PRKN: variants seen among roughly 807,000 people sequenced by gnomAD.
PRKN encodes the protein E3 ubiquitin-protein ligase parkin.
Under a neutral mutation model 59.5 loss-of-function variants are expected in PRKN, and 56 were observed. The ratio of observed to expected loss-of-function variants is 0.94; its 90% CI spans 0.76 to 1.18. The LOEUF is 1.18. Among genes scored for constraint, PRKN ranks in the 50% most tolerant of loss-of-function variants. The pLI is 0.00. For missense variants in PRKN, 657 were observed against 596.4 expected (o/e 1.10, Z -1.06); for synonymous variants, 250 against 222.1 (o/e 1.13, Z -1.12).
intron 1 of PRKN, among the ~76,000 whole-genome samples, chr6:162,696,374 T>G (rs1385170400): frequency 6.6e-6 from 1 of 151,986 alleles, no homozygotes; most frequent in Non-Finnish European, 1.5e-5. Flanking sequence ...TCTTTGCTTG[T>G]GGGTTTTCTC....
In PRKN at chr6:161,928,060, T is replaced by C. The variant is rs555587560; in HGVS notation, c.734+45242A>G. 3.3e-5 allele frequency among the ~76,000 whole-genome samples: 5 copies of C among 152,278 alleles called. No homozygotes were observed. In the South Asian group the frequency reaches 1.0e-3, roughly 32 times the overall value. On this transcript the variant is annotated intron_variant, in intron 6 of 11. Transcript: ENST00000366898. ...TTGGAAGGTGATTAGGTCATGAGGA[T>C]ACAACCTTCATGATTGGGATTAGTG... is the stretch of plus-strand genomic sequence containing the variant.
intron 9 of PRKN, among the ~76,000 whole-genome samples, chr6:161,493,055 C>T (rs1377379008): frequency 1.3e-5 from 2 of 152,148 alleles, no homozygotes; most frequent in East Asian, 1.9e-4. Flanking sequence ...TAGTTAAATG[C>T]CACCAAAGAT....
At chr6:161,660,193 A>T (rs1396539011) in intron 7 of PRKN, among the ~76,000 whole-genome samples, 1 of 152,188 alleles carries the variant, frequency 6.6e-6, no homozygotes, top group Non-Finnish European at 1.5e-5. Context: ...CTCTGCTTGA[A>T]TGAAGTGGTT....
chr6:161,996,985 A>G (rs539026088), intron 5 of PRKN, among the ~76,000 whole-genome samples: 2 of 152,232 alleles, frequency 1.3e-5, no homozygotes, highest in East Asian at 3.9e-4. Context: ...AACTGAAATG[A>G]CCCATAAATC....
intron 2 of PRKN, among the ~76,000 whole-genome samples, chr6:162,405,246 G>C (rs1481169088): frequency 6.6e-6 from 1 of 152,148 alleles, no homozygotes; most frequent in Non-Finnish European, 1.5e-5. Flanking sequence ...ACATGGAATA[G>C]ACTATTTCTG....
intron 3 of PRKN, among the ~76,000 whole-genome samples, chr6:162,238,895 C>T (rs1194255235): frequency 6.6e-6 from 1 of 152,090 alleles, no homozygotes; most frequent in Non-Finnish European, 1.5e-5. Flanking sequence ...GTGCAGTGCC[C>T]GAAGGGGGTC....
At chr6:161,914,048 T>C (rs1338377235) in intron 6 of PRKN, among the ~76,000 whole-genome samples, 1 of 152,224 alleles carries the variant, frequency 6.6e-6, no homozygotes, top group African/African-American at 2.4e-5. Flanking sequence ...ACTCGGTCTA[T>C]GGTATTTTGT....
chr6:162,101,580 G>A (rs565787830), intron 4 of PRKN, among the ~76,000 whole-genome samples: 1 of 152,054 alleles, frequency 6.6e-6, no homozygotes, highest in Non-Finnish European at 1.5e-5. Flanking sequence ...GCTGAGGCAG[G>A]AGAATGGCGT....
At chr6:161,631,979 T>C (rs1160432306) in intron 7 of PRKN, among the ~76,000 whole-genome samples, 1 of 152,218 alleles carries the variant, frequency 6.6e-6, no homozygotes, top group Non-Finnish European at 1.5e-5. Context: ...TATTTCTTGT[T>C]GAGTTCTTTT....
chr6:162,281,048 C>A (rs1441377189), intron 2 of PRKN, among the ~76,000 whole-genome samples: 1 of 152,060 alleles, frequency 6.6e-6, no homozygotes, highest in Non-Finnish European at 1.5e-5. Context: ...ACACTGCATC[C>A]ATGCCATAAA....
intron 5 of PRKN, among the ~76,000 whole-genome samples, chr6:162,002,280 C>T (rs1782088811): frequency 6.6e-6 from 1 of 152,042 alleles, no homozygotes; most frequent in African/African-American, 2.4e-5. Context: ...GTGAACCTAA[C>T]TGGAGCTGGT....
At chr6:161,644,371 T>C (rs923720413) in intron 7 of PRKN, among the ~76,000 whole-genome samples, 1 of 152,188 alleles carries the variant, frequency 6.6e-6, no homozygotes, top group African/African-American at 2.4e-5. Context: ...CTTGCTGTTA[T>C]TGTATGTGAG....
intron 2 of PRKN, among the ~76,000 whole-genome samples, chr6:162,394,354 T>A (rs1391980652): frequency 6.6e-6 from 1 of 152,164 alleles, no homozygotes; most frequent in African/African-American, 2.4e-5. Flanking sequence ...TCGGGTGTGA[T>A]ACAGAAATAT....
At chr6:162,406,226 TGTGGACACTAAAACAGA>T (rs1277089045) in intron 2 of PRKN, among the ~76,000 whole-genome samples, 2 of 152,196 alleles carry the variant, frequency 1.3e-5, no homozygotes, top group Non-Finnish European at 2.9e-5. Context: ...AATGGACAGA[TGTGGACACTAAAACAGA>T]GAGGTAAATT....
intron 7 of PRKN, among the ~76,000 whole-genome samples, chr6:161,778,371 G>A (rs1264017864): frequency 6.6e-6 from 1 of 152,204 alleles, no homozygotes. Context: ...ATGGATTCCA[G>A]TACCAGATTA....
chr6:161,433,534 A>T (rs1788745494), intron 9 of PRKN, among the ~76,000 whole-genome samples: 1 of 152,192 alleles, frequency 6.6e-6, no homozygotes, highest in Non-Finnish European at 1.5e-5. Context: ...AATATTTTCA[A>T]ATATAAACAC....
At position 161,600,987 on chromosome 6, in the gene PRKN, T is replaced by A. The variant is rs9347524; in HGVS notation, c.872-31571A>T. Reference sequence around the variant, plus strand: ...GGGAATCATTCTTTCATCCATTCACTCATAATTCATCAGTGTATTTATTAT... The same window carrying A: ...GGGAATCATTCTTTCATCCATTCACACATAATTCATCAGTGTATTTATTAT... On this transcript the variant is annotated intron_variant, in intron 7 of 11. Coordinates refer to ENST00000366898, the MANE Select transcript of PRKN (RefSeq NM_004562.3). 6.4e-3 allele frequency among the ~76,000 whole-genome samples: 973 copies of A among 152,338 alleles called. 27 individuals carry two copies. In the East Asian group the frequency reaches 0.078, roughly 12 times the overall value.
chr6:162,585,877 G>T (rs150037194), intron 1 of PRKN, among the ~76,000 whole-genome samples: 3 of 151,532 alleles, frequency 2.0e-5, no homozygotes, highest in African/African-American at 4.8e-5. Context: ...AATTTTTTTT[G>T]TGTTTTTAGT....
chr6:162,183,773 G>C (rs770588693), intron 4 of PRKN, among the ~76,000 whole-genome samples: 1 of 152,094 alleles, frequency 6.6e-6, no homozygotes, highest in South Asian at 2.1e-4. Flanking sequence ...TTGAATTGCC[G>C]CAGTATGCCG....
Sources: allele counts gnomAD v4.1 joint callset (sites outside exome capture counted in the v4.1 genomes callset), GRCh38; gene constraint gnomAD v4.1.1; transcripts MANE v1.5; gene names NCBI Gene and HGNC (gene_info 2026-07-23, HGNC 2026-07-21).